Variants in POU2F1 observed in about 807,000 individuals in gnomAD.
The protein encoded by POU2F1 is POU domain, class 2, transcription factor 1.
POU2F1 carries 16 observed loss-of-function variants against 84.9 expected under a neutral mutation model. That is an observed-to-expected ratio of 0.19 (90% CI 0.13 to 0.29). The LOEUF (loss-of-function observed/expected upper bound fraction) is 0.29, where lower values mean the gene tolerates loss of function less well. Among genes scored for constraint, POU2F1 ranks in the 10% least tolerant of loss-of-function variants. POU2F1 has a pLI of 1.00. For missense variants in POU2F1, 738 were observed against 942.6 expected (o/e 0.78, Z 2.84); for synonymous variants, 368 against 368.3 (o/e 1.00, Z 0.01).
At chr1:167,329,627 A>G (rs1038877345) in intron 1 of POU2F1, among the ~76,000 whole-genome samples, 15 of 152,142 alleles carry the variant, frequency 9.9e-5, no homozygotes, top group Admixed American at 3.3e-4. Flanking sequence ...AACATCTTAA[A>G]TCTGAAACAA....
chr1:167,323,912 C>T (rs370998819), intron 1 of POU2F1, among the ~76,000 whole-genome samples: 3 of 152,042 alleles, frequency 2.0e-5, no homozygotes, highest in Non-Finnish European at 2.9e-5. Flanking sequence ...AGGCTAATCT[C>T]GAACTCCAGA....
At chr1:167,299,163 CAAA>C (rs71073663) in intron 1 of POU2F1, among the ~76,000 whole-genome samples, 37,767 of 95,616 alleles carry the variant, frequency 0.39, 5,664 homozygotes, top group East Asian at 0.61. Context: ...AACGCCATCT[CAAA>C]AAAAAAAAAA....
chr1:167,271,406 A>C (rs990677559), intron 1 of POU2F1, among the ~76,000 whole-genome samples: 2 of 152,228 alleles, frequency 1.3e-5, no homozygotes, highest in African/African-American at 4.8e-5. Context: ...CCAAGACTTC[A>C]CAGGGGTCTC....
At chr1:167,235,903 A>G (rs989833778) in intron 1 of POU2F1, among the ~76,000 whole-genome samples, 7 of 152,208 alleles carry the variant, frequency 4.6e-5, no homozygotes, top group African/African-American at 1.7e-4. Context: ...GTAGTCTCCC[A>G]TAAACTTTCT....
intron 2 of POU2F1, among the ~76,000 whole-genome samples, chr1:167,361,234 G>T (rs966603278): frequency 6.6e-6 from 1 of 152,176 alleles, no homozygotes; most frequent in African/African-American, 2.4e-5. Context: ...GCAGTGGTGA[G>T]AGTGGACATC....
rs752693541 is a variant in POU2F1, at chr1:167,332,450, TCTC to T, written c.62-16_62-14del. On this transcript the variant is annotated splice_polypyrimidine_tract_variant and intron_variant, in intron 1 of 15. Coordinates refer to ENST00000367866, the MANE Select transcript of POU2F1 (RefSeq NM_002697.4). ...ATCCCCAGTTTTTTAAAAACCTTAT[TCTC>T]CTCTGATTTATTGCAGACTCAAGAA... The T allele has an allele frequency of 2.0e-5, 32 of 1,593,788 alleles. No homozygotes were observed. In the African/African-American group the frequency reaches 3.0e-4, roughly 15 times the overall value.
rs1650646270 is a variant in POU2F1, at chr1:167,421,465, A to C, written c.*5655A>C. ...TTCTCAGAGCATCCAGTTTGTACCC[A>C]GTTTTCTATATGGTTTGTGAACTGT... On this transcript the variant is annotated 3_prime_UTR_variant, in exon 16 of 16. Transcript: ENST00000367866. 1 of 152,152 alleles carries C rather than the reference A, an allele frequency of 6.6e-6. No individual in the cohort carries two copies. The highest frequency in any genetic ancestry group is 2.1e-4 in the South Asian group (1 of 4,830). The allele number at this position is 152,152 out of a possible 1,614,324, so 9.4% of individuals were successfully genotyped here. A position where few individuals can be genotyped will look rare whatever the true frequency, so the allele number is the denominator to read the frequency against.
chr1:167,357,142 G>A (rs375743825), intron 2 of POU2F1, among the ~76,000 whole-genome samples: 7 of 152,112 alleles, frequency 4.6e-5, no homozygotes, highest in African/African-American at 1.2e-4. Flanking sequence ...ACCATCACCC[G>A]ACATTCCTAG....
At position 167,416,785 on chromosome 1, in the gene POU2F1, T is replaced by A. The variant is rs1650344210; in HGVS notation, c.*975T>A. On this transcript the variant is annotated 3_prime_UTR_variant, in exon 16 of 16. Transcript: ENST00000367866. ...GAATGACCCTGAGGCCCAGTTCCTG[T>A]GGTGCAACAGTGCTGCTTTCTGCTA... is the stretch of plus-strand genomic sequence containing the variant. 2.6e-5 allele frequency: 4 copies of A among 152,338 alleles called. No homozygotes were observed. In the South Asian group the frequency reaches 8.3e-4, roughly 32 times the overall value. The allele number at this position is 152,338 out of a possible 1,614,324, so 9.4% of individuals were successfully genotyped here. A position where few individuals can be genotyped will look rare whatever the true frequency, so the allele number is the denominator to read the frequency against.
chr1:167,225,491 T>G (rs1648563833), intron 1 of POU2F1, among the ~76,000 whole-genome samples: 1 of 152,260 alleles, frequency 6.6e-6, no homozygotes, highest in African/African-American at 2.4e-5. Flanking sequence ...TTGAAGTAAT[T>G]GTCAATCTGC....
chr1:167,419,716 A>G lies in POU2F1; in HGVS notation c.*3906A>G, dbSNP rs767881344. 2.6e-5 allele frequency: 4 copies of G among 152,186 alleles called. No homozygotes were observed. The highest frequency in any genetic ancestry group is 5.9e-5 in the Non-Finnish European group (4 of 68,036). The allele number at this position is 152,186 out of a possible 1,614,324, so 9.4% of individuals were successfully genotyped here. On this transcript the variant is annotated 3_prime_UTR_variant, in exon 16 of 16. Coordinates refer to ENST00000367866, the MANE Select transcript of POU2F1 (RefSeq NM_002697.4). ...ATATCCATTAACTGATATAATTCACATGTCCTTTTATTTGTTATCAGAAAG... is the reference window on the plus strand; with the variant it reads ...ATATCCATTAACTGATATAATTCACGTGTCCTTTTATTTGTTATCAGAAAG...
chr1:167,366,211 G>A (rs971793969), intron 3 of POU2F1, among the ~76,000 whole-genome samples: 6 of 152,208 alleles, frequency 3.9e-5, no homozygotes, highest in African/African-American at 1.4e-4. Context: ...GAAGCTGGTT[G>A]AAAATGGAAA....
Position 167,396,698 on chromosome 1 carries a change from C to T in POU2F1, c.1129+271C>T, listed in dbSNP as rs1318031447. 4 of 339,864 alleles carry T rather than the reference C, an allele frequency of 1.2e-5. No homozygotes were observed. In the Admixed American group the frequency reaches 1.8e-4, roughly 15 times the overall value. The allele number at this position is 339,864 out of a possible 1,614,324, so 21.1% of individuals were successfully genotyped here. ...AGCCAGGATTAGGAACACACACACACACACACACACAGTTGAAGGAATAGG... is the reference window on the plus strand; with the variant it reads ...AGCCAGGATTAGGAACACACACACATACACACACACAGTTGAAGGAATAGG... On this transcript the variant is annotated intron_variant, in intron 10 of 15. Transcript: ENST00000367866.
intron 1 of POU2F1, among the ~76,000 whole-genome samples, chr1:167,295,169 C>T (rs1200545313): frequency 4.0e-5 from 6 of 151,716 alleles, no homozygotes; most frequent in Non-Finnish European, 7.4e-5. Flanking sequence ...CCAGCACTCC[C>T]ACTACAGGGT....
intron 1 of POU2F1, among the ~76,000 whole-genome samples, chr1:167,275,383 C>CT (rs35741345): frequency 0.016 from 2,266 of 145,726 alleles, 21 homozygotes; most frequent in South Asian, 0.028. Flanking sequence ...TTACAGAAGA[C>CT]TTTTTTTTTT....
intron 1 of POU2F1, among the ~76,000 whole-genome samples, chr1:167,249,994 AT>A (rs1469800877): frequency 6.6e-6 from 1 of 152,144 alleles, no homozygotes. Flanking sequence ...TATTTTTGTA[AT>A]TGACATTTTA....
chr1:167,239,414 A>C (rs1034760998), intron 1 of POU2F1, among the ~76,000 whole-genome samples: 1 of 152,228 alleles, frequency 6.6e-6, no homozygotes, highest in Admixed American at 6.5e-5. Context: ...ACTGCTTTAC[A>C]AGAGTAAAAG....
At chr1:167,369,354 A>G (rs948907826) in intron 3 of POU2F1, among the ~76,000 whole-genome samples, 1 of 152,144 alleles carries the variant, frequency 6.6e-6, no homozygotes, top group African/African-American at 2.4e-5. Flanking sequence ...AGGTTTCTCC[A>G]CTGAAAAGAT....
intron 12 of POU2F1, 73 bp downstream of exon 12, chr1:167,399,438 G>A (rs1649039465): frequency 7.7e-7 from 1 of 1,293,592 alleles, no homozygotes; most frequent in Non-Finnish European, 1.1e-6. Context: ...TGTTAAATCA[G>A]TTTATTTCAT....
Sources: gnomAD v4.1 joint callset for allele counts (sites outside exome capture counted in the v4.1 genomes callset) on GRCh38, gnomAD v4.1.1 for gene constraint, MANE v1.5 for transcripts, NCBI Gene and HGNC (gene_info 2026-07-23, HGNC 2026-07-21) for gene names.